Variants in PDZD7 observed in about 807,000 individuals in gnomAD.
PDZD7 encodes PDZ domain-containing protein 7.
In PDZD7, 72 loss-of-function variants were observed where a neutral mutation model predicts 84.7. The observed-to-expected ratio is 0.85, with a 90% CI of 0.70 to 1.03. The LOEUF (loss-of-function observed/expected upper bound fraction) is 1.03, where lower values mean the gene tolerates loss of function less well. Among genes scored for constraint, PDZD7 ranks in the 50% least tolerant of loss-of-function variants. The pLI, the probability that PDZD7 is intolerant of heterozygous loss-of-function variation, is 0.00. For synonymous variants in PDZD7, 594 were observed against 580.7 expected, an observed-to-expected ratio of 1.02 and a Z score of -0.33; for missense variants, 1,490 against 1,412.9, an observed-to-expected ratio of 1.05 and a Z score of -0.87.
rs897289971 is a variant in PDZD7, at chr10:101,010,791, C to A, written c.2098G>T (p.Val700Phe). 3.9e-6 allele frequency: 6 copies of A among 1,535,510 alleles called. No homozygotes were observed. Among genetic ancestry groups the A allele is most frequent in the Non-Finnish European group, 4.4e-6 (5 of 1,146,874 alleles). The change falls in exon 15 of 17, where the codon GTC (valine) becomes TTC (phenylalanine). Residue 700 changes from valine (V) to phenylalanine (F), a missense_variant. By Grantham distance (50) the Val-to-Phe change is conservative (BLOSUM62 -1). Coordinates refer to ENST00000619208, the MANE Select transcript of PDZD7 (RefSeq NM_001195263.2). The stretch of plus-strand genomic sequence containing the variant: ...CGAGGGGCAGAGGCACTTGGGGAGA[C>A]CTTGAGGGCCCCCAGCCGCTCCCTC... ...ELRERLGALK[V>F]SPSASAPRHP...
At chr10:101,016,053 G>T (rs531797891) in intron 10 of PDZD7, among the ~76,000 whole-genome samples, 27 of 152,188 alleles carry the variant, frequency 1.8e-4, no homozygotes, top group African/African-American at 6.5e-4. Flanking sequence ...GTGCCCCCAG[G>T]GCCCCCTGAA....
intron 14 of PDZD7, 105 bp from the exon 15 acceptor site, chr10:101,010,988 A>G (rs967657546): frequency 3.8e-5 from 58 of 1,523,112 alleles, no homozygotes; most frequent in Non-Finnish European, 4.7e-5. Context: ...GAGTTTGTTC[A>G]GGCACCACTG....
chr10:101,009,128 C>A, intron 16 of PDZD7, 122 bp downstream of exon 16: 1 of 967,270 alleles, frequency 1.0e-6, no homozygotes, highest in Non-Finnish European at 1.5e-6. Flanking sequence ...CCCCCTCACC[C>A]CAAGCCTCCT....
rs559297316 is a variant in PDZD7, at chr10:101,022,369, G to A, written c.559C>T (p.Arg187Trp). 1.7e-5 allele frequency: 28 copies of A among 1,614,134 alleles called. No homozygotes were observed. The highest frequency in any genetic ancestry group is 1.7e-4 in the Middle Eastern group (1 of 6,046). ...CCGCACTTCTCCACTACCAGGCGCCGATTCACCACATCCACCCTGGACAAC... is the reference window on the plus strand; with the variant it reads ...CCGCACTTCTCCACTACCAGGCGCCAATTCACCACATCCACCCTGGACAAC... ...EKTTWVDVVN[R>W]RLVVEKCGST... is the part of the protein sequence containing the mutation. Residue 187 changes from arginine to tryptophan, a missense_variant, in exon 5 of 17, where the codon CGG becomes TGG. Coordinates refer to ENST00000619208, the MANE Select transcript of PDZD7 (RefSeq NM_001195263.2).
chr10:101,020,819 C>T (rs1853050379), intron 6 of PDZD7, 141 bp from the exon 7 acceptor site: 4 of 679,786 alleles, frequency 5.9e-6, no homozygotes, highest in Non-Finnish European at 1.0e-5. Context: ...GCCGCACAGG[C>T]CACTTTCTTT....
chr10:101,019,120 C>A lies in PDZD7; in HGVS notation c.1026G>T (p.Leu342=). 1 of 1,550,186 alleles carries A rather than the reference C, an allele frequency of 6.5e-7. No homozygotes were observed. Among genetic ancestry groups the A allele is most frequent in the Non-Finnish European group, 8.7e-7 (1 of 1,154,342 alleles). Residue 342 remains leucine, a synonymous_variant, in exon 8 of 17, where the codon CTG becomes CTT. Coordinates refer to ENST00000619208, the MANE Select transcript of PDZD7 (RefSeq NM_001195263.2). ...GGCAGATGTCCATGCGGTCCGACGGCAGGGAGCCCGAGCTGTAGGGGGCGC... is the reference window on the plus strand; with the variant it reads ...GGCAGATGTCCATGCGGTCCGACGGAAGGGAGCCCGAGCTGTAGGGGGCGC... ...ASSAPYSSGS[L]PSDRMDICLG...
rs2133999808 is a variant in PDZD7, at chr10:101,010,701, T to C, written c.2188A>G (p.Ile730Val). Residue 730 changes from isoleucine (I) to valine (V), a missense_variant, in exon 15 of 17, where the codon ATT becomes GTT. Ile to Val is a conservative substitution (Grantham distance 29). Transcript: ENST00000619208. ...AGCTGGGGAGGGGGTGTGCAGGCAA[T>C]TCGGAGGGGGGTGAAGGCATCTACT... ...VPVDAFTPLR[I>V]ACTPPPQLPP... The C allele has an allele frequency of 3.3e-6, 4 of 1,228,900 alleles. No individual in the cohort carries two copies. Among genetic ancestry groups the C allele is most frequent in the East Asian group, 1.1e-4 (2 of 17,740 alleles). 76.1% of individuals were successfully genotyped at this position (1,228,900 alleles called of 1,614,324 possible).
rs763081522 is a variant in PDZD7, at chr10:101,030,082, C to T, written c.138G>A (p.Lys46=). 6.8e-6 allele frequency: 11 copies of T among 1,614,104 alleles called. No homozygotes were observed. The Admixed American group carries it at 1.8e-4, about 27-fold the overall frequency. Residue 46 remains lysine, a synonymous_variant, in exon 2 of 17, where the codon AAG becomes AAA. Transcript: ENST00000619208. Reference sequence around the variant, plus strand: ...GGGGCCCGTTCAGCAGCCGTTGTTGCTTCCTTAGCAGGTATCGCGTTGCGG... The same window carrying T: ...GGGGCCCGTTCAGCAGCCGTTGTTGTTTCCTTAGCAGGTATCGCGTTGCGG... ...GSTATRYLLR[K]QQRLLNGPPR...
In PDZD7 at chr10:101,024,055, T is replaced by C. The variant is rs1473143773; in HGVS notation, c.240A>G (p.Glu80=). 6.2e-7 allele frequency: 1 copy of C among 1,614,258 alleles called. No homozygotes were observed. The part of the protein sequence containing the change: ...INSPIEANSD[E]SDIIHSVRVE... ...CCCGGACTGAATGGATGATGTCACT[T>C]TCATCACTGTTGGCTGTGAGGACAG... Residue 80 remains glutamate (E), a synonymous_variant, in exon 3 of 17, where the codon GAA becomes GAG. Transcript: ENST00000619208.
Position 101,008,795 on chromosome 10 carries a change from T to A in PDZD7, c.2774A>T (p.Gln925Leu). The change falls in exon 17 of 17, where the codon CAG becomes CTG. Residue 925 changes from glutamine to leucine, a missense_variant. Transcript: ENST00000619208. The part of the protein sequence containing the change: ...DGENLEQVTH[Q>L]RAVDTIRRAY... The stretch of plus-strand genomic sequence containing the variant: ...CCGACGGATGGTGTCTACTGCACGC[T>A]GGTGGGTCACCTGCTCTAGATTCTC... The A allele has an allele frequency of 6.5e-7, 1 of 1,530,358 alleles. No individual in the cohort carries two copies. The highest frequency in any genetic ancestry group is 8.8e-7 in the Non-Finnish European group (1 of 1,142,498). The allele number at this position is 1,530,358 out of a possible 1,614,324, so 94.8% of individuals were successfully genotyped here.
intron 7 of PDZD7, among the ~76,000 whole-genome samples, chr10:101,020,083 CA>C (rs1347197174): frequency 6.6e-6 from 1 of 151,604 alleles, no homozygotes; most frequent in Non-Finnish European, 1.5e-5. Flanking sequence ...CCCTCACCAC[CA>C]CTCCAGTTAA....
In PDZD7 at chr10:101,030,222, C is replaced by G. The variant is rs762699492; in HGVS notation, c.-3G>C. Reference sequence around the variant, plus strand: ...CCCACTGCGAAACCCTGCGCCATGGCGGCTGGGCTAGGGCGGCACCCTACA... The same window carrying G: ...CCCACTGCGAAACCCTGCGCCATGGGGGCTGGGCTAGGGCGGCACCCTACA... On this transcript the variant is annotated 5_prime_UTR_variant, in exon 2 of 17. Transcript: ENST00000619208. The G allele has an allele frequency of 1.9e-6, 3 of 1,600,602 alleles. No homozygotes were observed. The South Asian group carries it at 3.3e-5, about 18-fold the overall frequency.
rs751014969 is a variant in PDZD7, at chr10:101,019,019, G to T, written c.1127C>A (p.Ala376Glu). The change falls in exon 8 of 17, where the codon GCG becomes GAG. Residue 376 changes from alanine (A) to glutamate (E), a missense_variant. Ala to Glu is a moderately radical substitution (Grantham distance 107). Coordinates refer to ENST00000619208, the MANE Select transcript of PDZD7 (RefSeq NM_001195263.2). ...GCACCAGGTCTCCACCCGGCCTCCC[G>T]CATCGGGCTCCGTCTGCATGGCTGT... ...ADTAMQTEPD[A>E]GGRVETWCSV... 1 of 1,573,014 alleles carries T rather than the reference G, an allele frequency of 6.4e-7. No individual in the cohort carries two copies. Among genetic ancestry groups the T allele is most frequent in the Non-Finnish European group, 8.6e-7 (1 of 1,162,322 alleles).
intron 7 of PDZD7, among the ~76,000 whole-genome samples, chr10:101,020,401 C>T (rs533604867): frequency 3.3e-5 from 5 of 152,236 alleles, no homozygotes; most frequent in Middle Eastern, 3.4e-3. Flanking sequence ...CCATCGCGGC[C>T]GGCTTAAATT....
At chr10:101,015,508 G>T in intron 11 of PDZD7, 128 bp downstream of exon 11, 2 of 1,087,870 alleles carry the variant, frequency 1.8e-6, no homozygotes, top group Non-Finnish European at 2.6e-6. Context: ...AGTGACTTCT[G>T]ATTTTACTGA....
rs1399829869 is a variant in PDZD7, at chr10:101,010,562, C to T, written c.2327G>A (p.Ser776Asn). 3 of 1,488,020 alleles carry T rather than the reference C, an allele frequency of 2.0e-6. No individual in the cohort carries two copies. The highest frequency in any genetic ancestry group is 2.7e-6 in the Non-Finnish European group (3 of 1,106,702). The allele number at this position is 1,488,020 out of a possible 1,614,324, so 92.2% of individuals were successfully genotyped here. A position where few individuals can be genotyped will look rare whatever the true frequency, so the allele number is the denominator to read the frequency against. The change falls in exon 15 of 17, where the codon AGC becomes AAC. Residue 776 changes from serine (S) to asparagine (N), a missense_variant. Coordinates refer to ENST00000619208, the MANE Select transcript of PDZD7 (RefSeq NM_001195263.2). ...GCTGCGGCTGCGGCTGCGGCTACGG[C>T]TGCGGCTACGGCTCTGAGCCCGGCC... ...IRGRAQSRSR[S>N]RSRSRSRSSR...
Position 101,009,132 on chromosome 10 carries a change from G to C in PDZD7, c.2718+118C>G, listed in dbSNP as rs759198848. The C allele has an allele frequency of 7.1e-6, 7 of 979,796 alleles. No homozygotes were observed. In the East Asian group the frequency reaches 1.6e-4, roughly 22 times the overall value. 60.7% of individuals were successfully genotyped at this position (979,796 alleles called of 1,614,324 possible). On this transcript the variant is annotated intron_variant, in intron 16 of 16. Transcript: ENST00000619208. ...GCTCACCTGAACCCCCTCACCCCAA[G>C]CCTCCTCCCACAACCCGGGCTAAAC...
At chr10:101,015,096 A>G (rs1281657999) in intron 11 of PDZD7, among the ~76,000 whole-genome samples, 1 of 152,216 alleles carries the variant, frequency 6.6e-6, no homozygotes, top group Non-Finnish European at 1.5e-5. Context: ...AGAACAGAGA[A>G]CGACAGTTTA....
intron 7 of PDZD7, 37 bp from the exon 8 acceptor site, chr10:101,019,254 G>T: frequency 1.3e-6 from 2 of 1,534,544 alleles, no homozygotes; most frequent in South Asian, 1.2e-5. Flanking sequence ...CAGCGGGCTT[G>T]CTTCAGAGCC....
Sources: allele counts gnomAD v4.1 joint callset (sites outside exome capture counted in the v4.1 genomes callset), GRCh38; gene constraint gnomAD v4.1.1; transcripts MANE v1.5; gene names NCBI Gene and HGNC (gene_info 2026-07-23, HGNC 2026-07-21).